Variants in BPIFB4 observed in about 807,000 individuals in gnomAD.
BPIFB4 encodes BPI fold-containing family B member 4.
BPIFB4 carries 62 observed loss-of-function variants against 69.2 expected under a neutral mutation model. That is an observed-to-expected ratio of 0.90 (90% CI 0.73 to 1.11). The LOEUF (loss-of-function observed/expected upper bound fraction) is 1.11, where lower values mean the gene tolerates loss of function less well. BPIFB4 is among the 50% of genes least tolerant of loss of function. BPIFB4 has a pLI of 0.00. For missense variants in BPIFB4, 789 were observed against 792.0 expected (o/e 1.00, Z 0.04); for synonymous variants, 330 against 332.7 (o/e 0.99, Z 0.09).
chr20:33,083,956 G>A (rs927715497), intron 5 of BPIFB4, 82 bp downstream of exon 5: 39 of 1,469,110 alleles, frequency 2.7e-5, no homozygotes, highest in East Asian at 1.6e-4. Flanking sequence ...TGGGGTTGCC[G>A]GAGGGAAGGT....
At chr20:33,109,908 A>G (rs1982187852) in intron 17 of BPIFB4, among the ~76,000 whole-genome samples, 1 of 152,168 alleles carries the variant, frequency 6.6e-6, no homozygotes, top group South Asian at 2.1e-4. Flanking sequence ...TATTATTATT[A>G]TATAGGTCTA....
At chr20:33,104,986 C>A in intron 16 of BPIFB4, 113 bp downstream of exon 16, 1 of 1,095,950 alleles carries the variant, frequency 9.1e-7, no homozygotes, top group Non-Finnish European at 1.3e-6. Context: ...TATTTCTGAG[C>A]ACTTCCTTTG....
intron 7 of BPIFB4, 59 bp downstream of exon 7, chr20:33,086,223 AAACAACATGACGTC>A: frequency 6.4e-7 from 1 of 1,569,666 alleles, no homozygotes. Flanking sequence ...TGTCTTTGGC[AAACAACATGACGTC>A]ACCCACCTGC....
At chr20:33,084,084 T>G (rs981151202) in intron 5 of BPIFB4, among the ~76,000 whole-genome samples, 3 of 152,156 alleles carry the variant, frequency 2.0e-5, no homozygotes, top group African/African-American at 7.2e-5. Context: ...CAGTTCAGCT[T>G]TTCATGTTTG....
At chr20:33,098,912 G>A (rs1981829560) in intron 13 of BPIFB4, among the ~76,000 whole-genome samples, 3 of 151,766 alleles carry the variant, frequency 2.0e-5, no homozygotes, top group South Asian at 4.2e-4. Flanking sequence ...TGACCTCAGG[G>A]CCTTTGCAGA....
In BPIFB4 at chr20:33,084,988, C is replaced by T. The variant is rs1488689709; in HGVS notation, c.774C>T (p.Asn258=). The change falls in exon 6 of 18, where the codon AAC becomes AAT. Residue 258 remains asparagine (N), a synonymous_variant. Transcript: ENST00000375483. ...YLSLYTRVAI[N]GKSLIGFLDI... ...GCTTGTACACCCGTGTGGCCATCAACGGGAAGAGGTGCGTGCCCTTGGCCC... is the reference window on the plus strand; with the variant it reads ...GCTTGTACACCCGTGTGGCCATCAATGGGAAGAGGTGCGTGCCCTTGGCCC... 8.7e-6 allele frequency: 14 copies of T among 1,611,664 alleles called. No individual in the cohort carries two copies. Among genetic ancestry groups the T allele is most frequent in the Middle Eastern group, 1.6e-4 (1 of 6,080 alleles).
chr20:33,091,580 C>A (rs1418529595), intron 10 of BPIFB4, among the ~76,000 whole-genome samples: 1 of 152,248 alleles, frequency 6.6e-6, no homozygotes, highest in South Asian at 2.1e-4. Flanking sequence ...GGCGCCCCTG[C>A]GCATGCATAT....
chr20:33,107,831 A>C lies in BPIFB4; in HGVS notation c.1821+11A>C, dbSNP rs141379133. 411 of 1,611,400 alleles carry C rather than the reference A, an allele frequency of 2.6e-4. 1 individual carries two copies. The East Asian group carries it at 8.0e-3, about 31-fold the overall frequency. ...ATTGACGTGTTGGAGGTAAGAGGAGATCGAGCTCCATTCTGCTTTTCCTCC... is the reference window on the plus strand; with the variant it reads ...ATTGACGTGTTGGAGGTAAGAGGAGCTCGAGCTCCATTCTGCTTTTCCTCC... On this transcript the variant is annotated intron_variant, in intron 17 of 17. Coordinates refer to ENST00000375483, the MANE Select transcript of BPIFB4 (RefSeq NM_182519.3).
At chr20:33,088,294 T>G (rs984062840) in intron 7 of BPIFB4, among the ~76,000 whole-genome samples, 2 of 148,590 alleles carry the variant, frequency 1.3e-5, no homozygotes, top group Non-Finnish European at 1.5e-5. Flanking sequence ...TGAGCGGAGA[T>G]TTTACCACTA....
At chr20:33,089,596 C>A (rs1413761231) in intron 9 of BPIFB4, 38 bp downstream of exon 9, 1 of 1,614,012 alleles carries the variant, frequency 6.2e-7, no homozygotes, top group South Asian at 1.1e-5. Flanking sequence ...GGGGAAGGCA[C>A]TGAGGACCGG....
In BPIFB4 at chr20:33,084,994, G is replaced by C. The variant is rs571658932; in HGVS notation, c.780G>C (p.Lys260Asn). Residue 260 changes from lysine (K) to asparagine (N), a missense_variant and splice_region_variant, in exon 6 of 18, where the codon AAG (lysine) becomes AAC (asparagine). Physicochemically the swap from Lys to Asn is moderately conservative, Grantham distance 94. Transcript: ENST00000375483. ...ACACCCGTGTGGCCATCAACGGGAA[G>C]AGGTGCGTGCCCTTGGCCCTGGAGG... Reference protein sequence around the residue: ...SLYTRVAINGKSLIGFLDIAV... With the variant: ...SLYTRVAINGNSLIGFLDIAV... 3 of 1,611,502 alleles carry C rather than the reference G, an allele frequency of 1.9e-6. No homozygotes were observed. Among genetic ancestry groups the C allele is most frequent in the South Asian group, 2.2e-5 (2 of 90,958 alleles).
chr20:33,101,276 G>T (rs146901692), intron 14 of BPIFB4, among the ~76,000 whole-genome samples: 1 of 152,114 alleles, frequency 6.6e-6, no homozygotes, highest in South Asian at 2.1e-4. Flanking sequence ...ACATAGAGGG[G>T]CTGTGAGCCA....
intron 9 of BPIFB4, 55 bp downstream of exon 9, chr20:33,089,613 T>C (rs1250914188): frequency 6.2e-7 from 1 of 1,613,188 alleles, no homozygotes; most frequent in Non-Finnish European, 8.5e-7. Context: ...CCGGGCCCTT[T>C]CTGGGAGGAG....
Position 33,107,833 on chromosome 20 carries a change from C to T in BPIFB4, c.1821+13C>T, listed in dbSNP as rs372514534. 33 of 1,610,810 alleles carry T rather than the reference C, an allele frequency of 2.0e-5. No individual in the cohort carries two copies. Among genetic ancestry groups the T allele is most frequent in the Middle Eastern group, 3.3e-4 (2 of 6,056 alleles). On this transcript the variant is annotated intron_variant, in intron 17 of 17. Transcript: ENST00000375483. ...TGACGTGTTGGAGGTAAGAGGAGATCGAGCTCCATTCTGCTTTTCCTCCCT... is the reference window on the plus strand; with the variant it reads ...TGACGTGTTGGAGGTAAGAGGAGATTGAGCTCCATTCTGCTTTTCCTCCCT...
At position 33,085,387 on chromosome 20, in the gene BPIFB4, G is replaced by A. The variant is rs553606319; in HGVS notation, c.782+391G>A. ...GGAGAATCGCTTGAACCCAGGAGGC[G>A]GAGGTTGCAGTGAGCTGAGATCGTG... On this transcript the variant is annotated intron_variant, in intron 6 of 17. Transcript: ENST00000375483. Among the ~76,000 whole-genome samples the A allele has an allele frequency of 9.9e-5, 15 of 152,256 alleles. No homozygotes were observed. In the South Asian group the frequency reaches 2.1e-3, roughly 21 times the overall value.
chr20:33,085,586 G>A (rs1173421012), intron 6 of BPIFB4, among the ~76,000 whole-genome samples: 1 of 152,214 alleles, frequency 6.6e-6, no homozygotes, highest in Non-Finnish European at 1.5e-5. Context: ...GTCTTCACTG[G>A]CAATGGGATA....
At chr20:33,104,478 C>T (rs1430396922) in intron 15 of BPIFB4, among the ~76,000 whole-genome samples, 1 of 152,216 alleles carries the variant, frequency 6.6e-6, no homozygotes, top group East Asian at 1.9e-4. Flanking sequence ...GATGCCATGA[C>T]AGTGCCATCG....
intron 16 of BPIFB4, 55 bp from the exon 17 acceptor site, chr20:33,107,689 T>G (rs1600565272): frequency 3.2e-4 from 430 of 1,360,478 alleles, no homozygotes; most frequent in Non-Finnish European, 4.2e-4. Flanking sequence ...CGGCTTCTGG[T>G]GAGACCAACA....
intron 5 of BPIFB4, 92 bp downstream of exon 5, chr20:33,083,966 TC>T: frequency 7.1e-7 from 1 of 1,406,126 alleles, no homozygotes; most frequent in Non-Finnish European, 9.5e-7. Context: ...GGAGGGAAGG[TC>T]TTCAGAGCCC....
Sources: allele counts gnomAD v4.1 joint callset (sites outside exome capture counted in the v4.1 genomes callset), GRCh38; gene constraint gnomAD v4.1.1; transcripts MANE v1.5; gene names NCBI Gene and HGNC (gene_info 2026-07-23, HGNC 2026-07-21).